FRMD4A: variants seen among roughly 807,000 people sequenced by gnomAD.
FRMD4A encodes the protein FERM domain-containing protein 4A.
Under a neutral mutation model 129.1 loss-of-function variants are expected in FRMD4A, and 29 were observed. The ratio of observed to expected loss-of-function variants is 0.22; its 90% CI spans 0.17 to 0.31. The LOEUF (loss-of-function observed/expected upper bound fraction) is 0.31, where lower values mean the gene tolerates loss of function less well. Among genes scored for constraint, FRMD4A ranks in the 10% least tolerant of loss-of-function variants. The pLI is 1.00. For missense variants in FRMD4A, 1,272 were observed against 1,375.8 expected (o/e 0.92, Z 1.19); for synonymous variants, 634 against 571.6 (o/e 1.11, Z -1.56).
chr10:13,976,691 A>C (rs1319097457), intron 2 of FRMD4A, among the ~76,000 whole-genome samples: 1 of 152,216 alleles, frequency 6.6e-6, no homozygotes, highest in East Asian at 1.9e-4. Context: ...ATACATAAAT[A>C]CACAGAAAAC....
chr10:13,920,311 G>C (rs1335912040), intron 2 of FRMD4A, among the ~76,000 whole-genome samples: 2 of 152,156 alleles, frequency 1.3e-5, no homozygotes, highest in African/African-American at 4.8e-5. Flanking sequence ...CCAACTCCAT[G>C]TTTTTGTCTC....
chr10:14,226,072 T>C (rs1250989834), intron 2 of FRMD4A, among the ~76,000 whole-genome samples: 1 of 152,218 alleles, frequency 6.6e-6, no homozygotes, highest in Non-Finnish European at 1.5e-5. Context: ...ACATCAAAGT[T>C]ACAGTAACGT....
chr10:14,126,342 T>C (rs1163215379), intron 2 of FRMD4A, among the ~76,000 whole-genome samples: 1 of 152,144 alleles, frequency 6.6e-6, no homozygotes, highest in African/African-American at 2.4e-5. Context: ...AGCTAATTTT[T>C]GTATTTTTAG....
chr10:14,157,389 C>T (rs372170433), intron 2 of FRMD4A, among the ~76,000 whole-genome samples: 5 of 152,286 alleles, frequency 3.3e-5, no homozygotes, highest in East Asian at 3.9e-4. Context: ...AACCACGGCA[C>T]GAATTTAGGA....
intron 2 of FRMD4A, among the ~76,000 whole-genome samples, chr10:13,963,861 A>G (rs1227909468): frequency 6.6e-6 from 1 of 152,190 alleles, no homozygotes; most frequent in Non-Finnish European, 1.5e-5. Context: ...GTGTTAGAGC[A>G]TTAGGTTAGG....
intron 15 of FRMD4A, among the ~76,000 whole-genome samples, chr10:13,678,280 C>T (rs1013402944): frequency 6.6e-6 from 1 of 152,152 alleles, no homozygotes; most frequent in Admixed American, 6.6e-5. Flanking sequence ...TGGTTGGCTC[C>T]GTTTCATGCC....
intron 16 of FRMD4A, 52 bp from the exon 17 acceptor site, chr10:13,670,580 TC>T: frequency 6.3e-7 from 1 of 1,597,806 alleles, no homozygotes; most frequent in Non-Finnish European, 8.6e-7. Context: ...GTGGGGCGTG[TC>T]TGCTTCCTAG....
At chr10:13,896,927 T>C (rs551740321) in intron 2 of FRMD4A, among the ~76,000 whole-genome samples, 32 of 152,316 alleles carry the variant, frequency 2.1e-4, no homozygotes, top group Non-Finnish European at 4.4e-4. Context: ...TTAATCCGTT[T>C]ATGCGTGAGG....
chr10:14,033,782 A>AAGAG (rs111309037), intron 2 of FRMD4A, among the ~76,000 whole-genome samples: 2,703 of 145,418 alleles, frequency 0.019, 41 homozygotes, highest in African/African-American at 0.036. Flanking sequence ...AAAACTCAGA[A>AAGAG]AGAGAGAGAG....
chr10:14,071,809 A>G (rs1414561669), intron 2 of FRMD4A, among the ~76,000 whole-genome samples: 2 of 152,044 alleles, frequency 1.3e-5, no homozygotes, highest in Non-Finnish European at 2.9e-5. Flanking sequence ...AATGTAGAAG[A>G]ATTAGACTTG....
chr10:14,328,529 C>A (rs77602925), intron 2 of FRMD4A, among the ~76,000 whole-genome samples: 1 of 151,936 alleles, frequency 6.6e-6, no homozygotes, highest in Admixed American at 6.6e-5. Context: ...GTCTAACTCT[C>A]CCTAAAGATA....
chr10:13,938,195 T>G (rs1337518450), intron 2 of FRMD4A, among the ~76,000 whole-genome samples: 2 of 152,156 alleles, frequency 1.3e-5, no homozygotes, highest in Admixed American at 6.6e-5. Flanking sequence ...GTTTTCCTTG[T>G]GTTCAGAAAG....
chr10:14,029,384 A>G (rs1833129697), intron 2 of FRMD4A, among the ~76,000 whole-genome samples: 1 of 152,150 alleles, frequency 6.6e-6, no homozygotes, highest in South Asian at 2.1e-4. Context: ...TGCAGCCCTG[A>G]AAATGAATCA....
rs541428797 is a variant in FRMD4A at position 13,800,515 on chromosome 10, A to C, written c.207-3927T>G. Among the ~76,000 whole-genome samples the C allele has an allele frequency of 3.9e-5, 6 of 152,324 alleles. 1 individual carries two copies. Among genetic ancestry groups the C allele is most frequent in the African/African-American group, 1.4e-4 (6 of 41,556 alleles). On this transcript the variant is annotated intron_variant, in intron 4 of 24. Coordinates refer to ENST00000357447, the MANE Select transcript of FRMD4A (RefSeq NM_018027.5). ...TGATTTTTCTCTGGCCACCAGCTCA[A>C]AGAATAAGGAGGACCTGAGAGAGAG... is the stretch of plus-strand genomic sequence containing the variant.
intron 2 of FRMD4A, among the ~76,000 whole-genome samples, chr10:14,301,420 A>C (rs943630642): frequency 2.0e-5 from 3 of 152,312 alleles, no homozygotes; most frequent in South Asian, 2.1e-4. Flanking sequence ...TTAAACTCTC[A>C]CAGGTGCTGA....
chr10:14,184,332 A>C (rs1375485208), intron 2 of FRMD4A, among the ~76,000 whole-genome samples: 1 of 91,742 alleles, frequency 1.1e-5, no homozygotes, highest in Non-Finnish European at 2.4e-5. Flanking sequence ...ATGGGGTTTC[A>C]CCATGTTGGC....
At chr10:14,313,999 G>A (rs1846647687) in intron 2 of FRMD4A, among the ~76,000 whole-genome samples, 1 of 152,144 alleles carries the variant, frequency 6.6e-6, no homozygotes, top group South Asian at 2.1e-4. Flanking sequence ...ACCCTAATTA[G>A]GTTAAGCAGA....
chr10:13,769,209 TTGTG>T lies in FRMD4A; in HGVS notation c.385-6533_385-6530del, dbSNP rs10558943. ...AAGATTTTGTTTTAAAAGAGATGGG[TTGTG>T]TGTGTGTGTGTGTGTGTGTGTGTGT... On this transcript the variant is annotated intron_variant, in intron 6 of 24. Coordinates refer to ENST00000357447, the MANE Select transcript of FRMD4A (RefSeq NM_018027.5). Among the ~76,000 whole-genome samples, 1,372 of 145,028 alleles carry T rather than the reference TTGTG, an allele frequency of 9.5e-3. 6 individuals are homozygous for T. Among genetic ancestry groups the T allele is most frequent in the Middle Eastern group, 0.028 (8 of 290 alleles).
chr10:14,105,377 G>A (rs897060524), intron 2 of FRMD4A, among the ~76,000 whole-genome samples: 1 of 151,866 alleles, frequency 6.6e-6, no homozygotes, highest in Non-Finnish European at 1.5e-5. Context: ...ACTAACCTGG[G>A]CAACATAGCA....
Sources: allele counts gnomAD v4.1 joint callset (sites outside exome capture counted in the v4.1 genomes callset), GRCh38; gene constraint gnomAD v4.1.1; transcripts MANE v1.5; gene names NCBI Gene and HGNC (gene_info 2026-07-23, HGNC 2026-07-21).